Variants in CNST observed in about 807,000 individuals in gnomAD.
The protein encoded by CNST is consortin.
CNST carries 39 observed loss-of-function variants against 72.4 expected under a neutral mutation model. The ratio of observed to expected loss-of-function variants is 0.54; its 90% confidence interval spans 0.42 to 0.70. The LOEUF (loss-of-function observed/expected upper bound fraction) is 0.70. CNST is among the 30% of genes least tolerant of loss of function. The pLI is 0.00. For missense variants in CNST, 871 were observed against 868.5 expected (o/e 1.00, Z -0.04); for synonymous variants, 332 against 320.1 (o/e 1.04, Z -0.40).
chr1:246,649,141 T>C (rs1666301458), intron 9 of CNST, among the ~76,000 whole-genome samples: 1 of 150,804 alleles, frequency 6.6e-6, no homozygotes, highest in Non-Finnish European at 1.5e-5. Context: ...TGCAGTTAAT[T>C]CTCTACAGAC....
At chr1:246,607,709 G>A (rs1487087691) in intron 2 of CNST, 2 of 152,138 alleles carry the variant, frequency 1.3e-5, no homozygotes, top group Non-Finnish European at 2.9e-5. Context: ...TTCCTGCTTC[G>A]GCTACCTTGG....
intron 2 of CNST, among the ~76,000 whole-genome samples, chr1:246,609,442 TG>T (rs1309898907): frequency 3.9e-5 from 6 of 151,942 alleles, no homozygotes; most frequent in African/African-American, 1.5e-4. Flanking sequence ...ATGGGCATGG[TG>T]GTGGGCGCCT....
intron 2 of CNST, among the ~76,000 whole-genome samples, chr1:246,595,172 A>T (rs1288123743): frequency 6.6e-6 from 1 of 152,124 alleles, no homozygotes; most frequent in East Asian, 1.9e-4. Flanking sequence ...GGGGACCCTT[A>T]ATTTTAAACT....
intron 1 of CNST, 50 bp downstream of exon 1, chr1:246,566,713 G>T (rs1196192306): frequency 2.5e-6 from 1 of 400,448 alleles, no homozygotes; most frequent in East Asian, 3.6e-5. Flanking sequence ...TCGCGGCCGG[G>T]ATGGAAAGCC....
chr1:246,586,141 G>A (rs12741753), intron 1 of CNST, among the ~76,000 whole-genome samples: 42,709 of 145,058 alleles, frequency 0.29, 6,983 homozygotes, highest in East Asian at 0.63. Context: ...GTGTGTGTGT[G>A]TATATATTAC....
At chr1:246,664,110 C>A (rs1667258174) in intron 10 of CNST, among the ~76,000 whole-genome samples, 1 of 152,180 alleles carries the variant, frequency 6.6e-6, no homozygotes. Context: ...GAGTCTTAGA[C>A]ATCCTTCAAT....
At chr1:246,592,852 T>A (rs1661635580) in intron 2 of CNST, among the ~76,000 whole-genome samples, 2 of 152,236 alleles carry the variant, frequency 1.3e-5, no homozygotes, top group African/African-American at 4.8e-5. Context: ...AGTTTGGCAG[T>A]TGAAGTTTAG....
chr1:246,637,080 T>C (rs1023039686), intron 6 of CNST, among the ~76,000 whole-genome samples: 1 of 152,214 alleles, frequency 6.6e-6, no homozygotes, highest in Non-Finnish European at 1.5e-5. Flanking sequence ...CCTCGTGTTT[T>C]GGTTTTAAGA....
In CNST at chr1:246,660,224, C is replaced by T; in HGVS notation, c.1862C>T (p.Ser621Phe). 6.2e-7 allele frequency: 1 copy of T among 1,612,120 alleles called. No homozygotes were observed. ...AEVVPTEGLV[S>F]ILKKRNDTVG... ...GTTGTTCCTACTGAAGGATTGGTCTCCATATTAAAGAAGAGGAATGATACT... is the reference window on the plus strand; with the variant it reads ...GTTGTTCCTACTGAAGGATTGGTCTTCATATTAAAGAAGAGGAATGATACT... Residue 621 changes from serine (S) to phenylalanine (F), a missense_variant, in exon 10 of 11, where the codon TCC becomes TTC. Coordinates refer to ENST00000366513, the MANE Select transcript of CNST (RefSeq NM_152609.3).
chr1:246,635,083 C>T (rs73132595), intron 6 of CNST, among the ~76,000 whole-genome samples: 43,717 of 151,964 alleles, frequency 0.29, 7,025 homozygotes, highest in East Asian at 0.67. Context: ...AGGAGTTATT[C>T]ATCCCCCCAA....
At chr1:246,624,511 A>T (rs937796481) in intron 3 of CNST, among the ~76,000 whole-genome samples, 2 of 152,232 alleles carry the variant, frequency 1.3e-5, no homozygotes, top group Admixed American at 1.3e-4. Flanking sequence ...TCACTAATTC[A>T]GAGATTGCTC....
In CNST at chr1:246,591,848, A is replaced by G; in HGVS notation, c.286A>G (p.Arg96Gly). Residue 96 changes from arginine to glycine, a missense_variant, in exon 2 of 11, where the codon AGA becomes GGA. Coordinates refer to ENST00000366513, the MANE Select transcript of CNST (RefSeq NM_152609.3). ...GCAAAACACCCTTTGTGAAGCCTCC[A>G]GAGATGAACAGGCCTTCTTGGGAAA... The part of the protein sequence containing the change: ...NLQNTLCEAS[R>G]DEQAFLGKDK... 1 of 1,614,158 alleles carries G rather than the reference A, an allele frequency of 6.2e-7. No individual in the cohort carries two copies. The highest frequency in any genetic ancestry group is 1.7e-5 in the Admixed American group (1 of 60,014).
chr1:246,568,479 C>T (rs1030401283), intron 1 of CNST, among the ~76,000 whole-genome samples: 1 of 152,118 alleles, frequency 6.6e-6, no homozygotes, highest in Non-Finnish European at 1.5e-5. Context: ...TAAAGATGAA[C>T]TTTATGATCA....
chr1:246,640,070 A>T (rs147328509), intron 6 of CNST, among the ~76,000 whole-genome samples: 19 of 152,268 alleles, frequency 1.2e-4, no homozygotes, highest in African/African-American at 4.6e-4. Context: ...TCATCCCCCC[A>T]AGCTTTCAGG....
At chr1:246,596,051 T>C (rs1438924431) in intron 2 of CNST, among the ~76,000 whole-genome samples, 6 of 152,192 alleles carry the variant, frequency 3.9e-5, no homozygotes, top group Non-Finnish European at 7.4e-5. Flanking sequence ...AGCTTTTTTT[T>C]TTCCCCCTTA....
At chr1:246,571,186 G>A (rs967376917) in intron 1 of CNST, among the ~76,000 whole-genome samples, 5 of 152,124 alleles carry the variant, frequency 3.3e-5, no homozygotes, top group African/African-American at 9.7e-5. Flanking sequence ...TTGCTCTGTC[G>A]CCCAGGGTGG....
At chr1:246,566,749 C>T (rs12123751) in intron 1 of CNST, 86 bp downstream of exon 1, 2 of 399,290 alleles carry the variant, frequency 5.0e-6, no homozygotes, top group South Asian at 1.3e-4. Flanking sequence ...GCTCCTCCCC[C>T]TGCGCTGTCC....
intron 2 of CNST, among the ~76,000 whole-genome samples, chr1:246,604,081 A>C (rs1662503989): frequency 1.3e-5 from 2 of 152,044 alleles, no homozygotes; most frequent in African/African-American, 4.8e-5. Context: ...AAACTACAAA[A>C]ACTAGCCGGG....
chr1:246,652,958 T>C (rs377245631), intron 9 of CNST, among the ~76,000 whole-genome samples: 433 of 150,774 alleles, frequency 2.9e-3, no homozygotes, highest in East Asian at 5.9e-3. Flanking sequence ...GAGCCGAGAT[T>C]GCACCACTGC....
Sources: gnomAD v4.1 joint callset for allele counts (sites outside exome capture counted in the v4.1 genomes callset) on GRCh38, gnomAD v4.1.1 for gene constraint, MANE v1.5 for transcripts, NCBI Gene and HGNC (gene_info 2026-07-23, HGNC 2026-07-21) for gene names.